The following RALYL variants were observed in gnomAD, a reference collection of about 807,000 sequenced individuals.
RALYL encodes the protein RNA-binding Raly-like protein.
A neutral mutation model predicts 35.1 loss-of-function variants in RALYL; 29 were observed. The ratio of observed to expected loss-of-function variants is 0.83; its 90% CI spans 0.61 to 1.13. The LOEUF is 1.13. RALYL is among the 50% of genes most tolerant of loss of function. The probability of loss-of-function intolerance (pLI) is 0.00; values close to 1 mark genes in which losing one functional copy is unlikely to be tolerated. For missense variants in RALYL, 359 were observed against 360.4 expected, an observed-to-expected ratio of 1.00 and a Z score of 0.03; for synonymous variants, 120 against 127.6, an observed-to-expected ratio of 0.94 and a Z score of 0.40.
intron 1 of RALYL, among the ~76,000 whole-genome samples, chr8:84,469,612 C>G (rs2133644012): frequency 6.6e-6 from 1 of 152,344 alleles, no homozygotes; most frequent in Non-Finnish European, 1.5e-5. Flanking sequence ...GCCCTGCCCC[C>G]AGAGGTGGAG....
At chr8:84,263,370 G>T (rs899313596) in intron 1 of RALYL, among the ~76,000 whole-genome samples, 2 of 152,122 alleles carry the variant, frequency 1.3e-5, no homozygotes, top group African/African-American at 4.8e-5. Context: ...TACACAACAG[G>T]AAGTGTTACA....
intron 1 of RALYL, among the ~76,000 whole-genome samples, chr8:84,512,781 G>C (rs1220997174): frequency 6.6e-6 from 1 of 152,154 alleles, no homozygotes; most frequent in African/African-American, 2.4e-5. Context: ...TTGTTGAAGA[G>C]GGTGTACTTT....
chr8:84,797,040 C>T (rs2133921304), intron 3 of RALYL, among the ~76,000 whole-genome samples: 1 of 152,260 alleles, frequency 6.6e-6, no homozygotes, highest in East Asian at 1.9e-4. Flanking sequence ...GTAACACTGA[C>T]TGGATGATTT....
At chr8:84,580,084 T>C (rs567717531) in intron 2 of RALYL, among the ~76,000 whole-genome samples, 15 of 152,376 alleles carry the variant, frequency 9.8e-5, no homozygotes, top group African/African-American at 3.6e-4. Context: ...TTTATACTTA[T>C]GGCACATCTC....
chr8:84,642,210 C>T (rs1826503612), intron 2 of RALYL, among the ~76,000 whole-genome samples: 1 of 151,990 alleles, frequency 6.6e-6, no homozygotes, highest in Non-Finnish European at 1.5e-5. Flanking sequence ...AACTCATTGA[C>T]TTATAAAAGA....
intron 2 of RALYL, among the ~76,000 whole-genome samples, chr8:84,665,189 C>T (rs1411549159): frequency 6.6e-6 from 1 of 151,922 alleles, no homozygotes; most frequent in African/African-American, 2.4e-5. Flanking sequence ...GGTGGTTAAG[C>T]TTTTTGATGT....
At chr8:84,762,297 A>T (rs1812906787) in intron 2 of RALYL, among the ~76,000 whole-genome samples, 1 of 152,182 alleles carries the variant, frequency 6.6e-6, no homozygotes, top group African/African-American at 2.4e-5. Context: ...TGGCTTTGTT[A>T]TTAAATATCA....
At chr8:84,475,318 T>C (rs990432072) in intron 1 of RALYL, among the ~76,000 whole-genome samples, 12 of 152,092 alleles carry the variant, frequency 7.9e-5, no homozygotes, top group African/African-American at 2.7e-4. Context: ...GCTCAAATAA[T>C]CCTTCCACCT....
chr8:84,727,865 G>C lies in RALYL; in HGVS notation c.257-46714G>C, dbSNP rs527996479. On this transcript the variant is annotated intron_variant, in intron 2 of 8. Transcript: ENST00000521268. ...ATATGTGCCACATTTTCTTAATCCAGTCTATCATTGTTGGACATTCGGGTT... is the reference window on the plus strand; with the variant it reads ...ATATGTGCCACATTTTCTTAATCCACTCTATCATTGTTGGACATTCGGGTT... Among the ~76,000 whole-genome samples the C allele has an allele frequency of 2.0e-5, 3 of 152,060 alleles. No individual in the cohort carries two copies. The East Asian group carries it at 5.8e-4, about 29-fold the overall frequency.
rs566483282 is a variant in RALYL at position 84,689,694 on chromosome 8, A to G, written c.257-84885A>G. ...GTTGAACTAGTTTACAGTCCCACCA[A>G]CAGTGTAAAAGTGTTCCTATTTCTC... On this transcript the variant is annotated intron_variant, in intron 2 of 8. Coordinates refer to ENST00000521268, the MANE Select transcript of RALYL (RefSeq NM_173848.7). 5.3e-5 allele frequency among the ~76,000 whole-genome samples: 8 copies of G among 152,272 alleles called. No homozygotes were observed. In the East Asian group the frequency reaches 7.7e-4, roughly 15 times the overall value.
chr8:84,365,464 T>C (rs780265185), intron 1 of RALYL, among the ~76,000 whole-genome samples: 1 of 152,146 alleles, frequency 6.6e-6, no homozygotes, highest in Non-Finnish European at 1.5e-5. Flanking sequence ...CTATAAACTA[T>C]TTATAAAAGA....
intron 1 of RALYL, among the ~76,000 whole-genome samples, chr8:84,384,333 G>C (rs896824447): frequency 2.0e-5 from 3 of 151,588 alleles, no homozygotes; most frequent in African/African-American, 7.3e-5. Flanking sequence ...TGATTATACT[G>C]TCTCCTCCAT....
chr8:84,818,873 CT>C (rs1447500028), intron 4 of RALYL, among the ~76,000 whole-genome samples: 3 of 152,110 alleles, frequency 2.0e-5, no homozygotes, highest in Non-Finnish European at 4.4e-5. Flanking sequence ...TGAGTGGTGT[CT>C]TAAAGTTTTC....
At chr8:84,832,186 A>G (rs1466798505) in intron 4 of RALYL, among the ~76,000 whole-genome samples, 1 of 152,130 alleles carries the variant, frequency 6.6e-6, no homozygotes, top group Admixed American at 6.5e-5. Flanking sequence ...TTTTCTTATT[A>G]CTATTTTACT....
chr8:84,411,892 G>A (rs2044139189), intron 1 of RALYL, among the ~76,000 whole-genome samples: 1 of 151,922 alleles, frequency 6.6e-6, no homozygotes, highest in Non-Finnish European at 1.5e-5. Context: ...CCACTTACAA[G>A]CTGTATGACA....
intron 1 of RALYL, among the ~76,000 whole-genome samples, chr8:84,286,180 G>A (rs746510019): frequency 1.5e-4 from 23 of 152,132 alleles, no homozygotes; most frequent in Non-Finnish European, 2.8e-4. Context: ...TGCCCGCCTC[G>A]GCCTCCCAAA....
At chr8:84,665,385 G>A (rs967573677) in intron 2 of RALYL, among the ~76,000 whole-genome samples, 3 of 151,984 alleles carry the variant, frequency 2.0e-5, no homozygotes, top group Non-Finnish European at 4.4e-5. Context: ...AATAATTTCA[G>A]TAGGAATTGT....
At chr8:84,306,176 A>T (rs942016204) in intron 1 of RALYL, among the ~76,000 whole-genome samples, 2 of 150,612 alleles carry the variant, frequency 1.3e-5, no homozygotes, top group African/African-American at 4.9e-5. Flanking sequence ...AAAAAAAAAA[A>T]CGAAAACCCC....
At chr8:84,619,887 A>G (rs1409051549) in intron 2 of RALYL, among the ~76,000 whole-genome samples, 11 of 151,218 alleles carry the variant, frequency 7.3e-5, no homozygotes, top group Non-Finnish European at 1.2e-4. Flanking sequence ...TTCTGGGTTG[A>G]AAATTCTTTT....
Sources: gnomAD v4.1 joint callset for allele counts (sites outside exome capture counted in the v4.1 genomes callset) on GRCh38, gnomAD v4.1.1 for gene constraint, MANE v1.5 for transcripts, NCBI Gene and HGNC (gene_info 2026-07-23, HGNC 2026-07-21) for gene names.